P2RY12: variants seen among roughly 807,000 people sequenced by gnomAD.
P2RY12 encodes the protein purinergic receptor P2Y12, also known as P2Y purinoceptor 12.
In P2RY12, 3 loss-of-function variants were observed where a neutral mutation model predicts 4.5. That is an observed-to-expected ratio of 0.67 (90% CI 0.31 to 1.74). The LOEUF is 1.74. Among genes scored for constraint, P2RY12 ranks in the 40% most tolerant of loss-of-function variants. P2RY12 has a pLI of 0.09. For missense variants in P2RY12, 356 were observed against 407.8 expected (o/e 0.87, Z 1.09); for synonymous variants, 148 against 154.1 (o/e 0.96, Z 0.29).
At chr3:151,350,291 A>G in intron 1 of P2RY12, 7 of 1,344,536 alleles carry the variant, frequency 5.2e-6, no homozygotes, top group Non-Finnish European at 7.2e-6. Context: ...GTTCTATGTC[A>G]CTGTCAACAG....
chr3:151,339,301 T>C (rs951374638), intron 2 of P2RY12, among the ~76,000 whole-genome samples: 7 of 152,016 alleles, frequency 4.6e-5, no homozygotes, highest in Non-Finnish European at 1.0e-4. Flanking sequence ...TCTTTTACTG[T>C]AGTACCGTCA....
intron 1 of P2RY12, chr3:151,376,963 G>A: frequency 1.9e-6 from 3 of 1,610,802 alleles, no homozygotes; most frequent in Non-Finnish European, 2.5e-6. Context: ...ATACACATAT[G>A]TGCCAGTATT....
In P2RY12 at chr3:151,338,579, T is replaced by C. The variant is rs763576984; in HGVS notation, c.267A>G (p.Thr89=). Residue 89 remains threonine (T), a synonymous_variant, in exon 3 of 3, where the codon ACA becomes ACG. Transcript: ENST00000302632. The part of the protein sequence containing the change: ...FKILSDAKLG[T]GPLRTFVCQV... ...GACACACAAAAGTTCTCAGTGGTCC[T>C]GTTCCCAGTTTGGCATCACTAAGAA... 1.9e-6 allele frequency: 3 copies of C among 1,614,070 alleles called. No individual in the cohort carries two copies. The highest frequency in any genetic ancestry group is 2.5e-6 in the Non-Finnish European group (3 of 1,180,004).
intron 1 of P2RY12, among the ~76,000 whole-genome samples, chr3:151,381,565 C>A (rs1040386831): frequency 6.6e-6 from 1 of 152,146 alleles, no homozygotes; most frequent in Non-Finnish European, 1.5e-5. Context: ...TGGAAAGATT[C>A]CCTTCCAGAG....
chr3:151,351,320 G>T (rs886567507), intron 1 of P2RY12, among the ~76,000 whole-genome samples: 2 of 152,108 alleles, frequency 1.3e-5, no homozygotes, highest in African/African-American at 4.8e-5. Flanking sequence ...TGGCATTCTG[G>T]GTATCTGATG....
chr3:151,381,792 C>A (rs911098727), intron 1 of P2RY12, among the ~76,000 whole-genome samples: 1 of 152,114 alleles, frequency 6.6e-6, no homozygotes, highest in Non-Finnish European at 1.5e-5. Flanking sequence ...CTTAAGCCAG[C>A]CTTAGGGAGG....
At chr3:151,369,290 T>C in intron 1 of P2RY12, 1 of 504,500 alleles carries the variant, frequency 2.0e-6, no homozygotes, top group Non-Finnish European at 3.6e-6. Flanking sequence ...CCATGTTTCT[T>C]AGTGAATCCA....
Position 151,376,169 on chromosome 3 carries a change from C to T in P2RY12, c.-180+8523G>A, listed in dbSNP as rs372962462. On this transcript the variant is annotated intron_variant, in intron 1 of 2. Transcript: ENST00000302632. The stretch of plus-strand genomic sequence containing the variant: ...ATCCTCATGGCATTAAAGAATGTAC[C>T]GAGGGGGACAATCTGCAAAGACAGC... The T allele has an allele frequency of 2.4e-5, 38 of 1,605,208 alleles. No individual in the cohort carries two copies. The highest frequency in any genetic ancestry group is 2.7e-5 in the Non-Finnish European group (32 of 1,176,822).
intron 1 of P2RY12, among the ~76,000 whole-genome samples, chr3:151,369,785 G>A (rs987895429): frequency 3.9e-5 from 6 of 152,126 alleles, no homozygotes; most frequent in Admixed American, 1.3e-4. Context: ...TGGTATTTTA[G>A]TTGCATAATG....
In P2RY12 at chr3:151,382,468, G is replaced by A. The variant is rs149406025; in HGVS notation, c.-180+2224C>T. Among the ~76,000 whole-genome samples, 1,048 of 152,126 alleles carry A rather than the reference G, an allele frequency of 6.9e-3. 11 individuals carry two copies. Among genetic ancestry groups the A allele is most frequent in the African/African-American group, 0.024 (1,016 of 41,486 alleles). ...AGATTTTCTTCCTCCACCTAGAACG[G>A]CAAATGCACAAATAAATAGCCAGAT... On this transcript the variant is annotated intron_variant, in intron 1 of 2. Coordinates refer to ENST00000302632, the MANE Select transcript of P2RY12 (RefSeq NM_022788.5).
At position 151,356,437 on chromosome 3, in the gene P2RY12, C is replaced by T. The variant is rs577793435; in HGVS notation, c.-179-15677G>A. ...AATTTAAAAAATAAAAATCAATGAA[C>T]CAATTGCTGTACATTAACATCATTT... On this transcript the variant is annotated intron_variant, in intron 1 of 2. Coordinates refer to ENST00000302632, the MANE Select transcript of P2RY12 (RefSeq NM_022788.5). Among the ~76,000 whole-genome samples the T allele has an allele frequency of 2.6e-5, 4 of 152,088 alleles. No individual in the cohort carries two copies. In the South Asian group the frequency reaches 8.3e-4, roughly 32 times the overall value.
chr3:151,340,023 T>C (rs1467892516), intron 2 of P2RY12, among the ~76,000 whole-genome samples: 1 of 152,176 alleles, frequency 6.6e-6, no homozygotes, highest in Non-Finnish European at 1.5e-5. Flanking sequence ...AAAATGTCCA[T>C]GGAATTCCTT....
chr3:151,360,351 G>T, intron 1 of P2RY12: 1 of 832,778 alleles, frequency 1.2e-6, no homozygotes, highest in Non-Finnish European at 1.9e-6. Context: ...CTATTTATTA[G>T]TTTCAACAAT....
In P2RY12 at chr3:151,357,472, T is replaced by TA. The variant is rs1231082013; in HGVS notation, c.-179-16713dup. 3 of 1,076,534 alleles carry TA rather than the reference T, an allele frequency of 2.8e-6. No individual in the cohort carries two copies. The African/African-American group carries it at 4.8e-5, about 17-fold the overall frequency. 66.7% of individuals were successfully genotyped at this position (1,076,534 alleles called of 1,614,324 possible). On this transcript the variant is annotated intron_variant, in intron 1 of 2. Coordinates refer to ENST00000302632, the MANE Select transcript of P2RY12 (RefSeq NM_022788.5). ...GGCTTTAAAAGAAAAATAGTACTGA[T>TA]ACCTGTTTTAGTTAAAACATGGTTA...
intron 1 of P2RY12, among the ~76,000 whole-genome samples, chr3:151,377,499 A>AT (rs1385459940): frequency 6.6e-6 from 1 of 152,158 alleles, no homozygotes; most frequent in Non-Finnish European, 1.5e-5. Flanking sequence ...TTAATTAATT[A>AT]TTTTGCACAA....
intron 1 of P2RY12, chr3:151,350,072 G>T: frequency 6.2e-7 from 1 of 1,610,292 alleles, no homozygotes; most frequent in South Asian, 1.1e-5. Context: ...GAATCTTCAA[G>T]TCATGAATGT....
intron 1 of P2RY12, among the ~76,000 whole-genome samples, chr3:151,362,443 T>G (rs1754725978): frequency 6.6e-6 from 1 of 152,098 alleles, no homozygotes; most frequent in South Asian, 2.1e-4. Flanking sequence ...TTGCACTTTA[T>G]CTTACGTTGC....
chr3:151,355,135 C>A, intron 1 of P2RY12: 1 of 1,613,572 alleles, frequency 6.2e-7, no homozygotes, highest in Non-Finnish European at 8.5e-7. Flanking sequence ...GGACGAAGGA[C>A]AAAAAGCCAG....
At chr3:151,366,953 T>C (rs1351051114) in intron 1 of P2RY12, among the ~76,000 whole-genome samples, 2 of 152,204 alleles carry the variant, frequency 1.3e-5, no homozygotes, top group African/African-American at 4.8e-5. Context: ...GGTGTGCTAA[T>C]AAATAAGGTG....
Sources: allele counts gnomAD v4.1 joint callset (sites outside exome capture counted in the v4.1 genomes callset), GRCh38; gene constraint gnomAD v4.1.1; transcripts MANE v1.5; gene names NCBI Gene and HGNC (gene_info 2026-07-23, HGNC 2026-07-21).